RABGAP1L: variants seen among roughly 807,000 people sequenced by gnomAD.
RABGAP1L encodes RAB GTPase activating protein 1 like.
In RABGAP1L, 63 loss-of-function variants were observed where a neutral mutation model predicts 137.7. That is an observed-to-expected ratio of 0.46 (90% CI 0.37 to 0.56). The LOEUF (loss-of-function observed/expected upper bound fraction) is 0.56. RABGAP1L is among the 20% of genes least tolerant of loss of function. RABGAP1L has a pLI of 0.00. For missense variants in RABGAP1L, 1,095 were observed against 1,244.0 expected (o/e 0.88, Z 1.80); for synonymous variants, 431 against 433.7 (o/e 0.99, Z 0.08).
intron 19 of RABGAP1L, among the ~76,000 whole-genome samples, chr1:174,814,283 A>G (rs1025266428): frequency 4.6e-5 from 7 of 152,332 alleles, no homozygotes; most frequent in South Asian, 4.1e-4. Flanking sequence ...TAAGATTTCA[A>G]TAATTTAAAA....
At chr1:174,182,424 C>T (rs1200959614) in intron 1 of RABGAP1L, among the ~76,000 whole-genome samples, 11 of 151,988 alleles carry the variant, frequency 7.2e-5, no homozygotes, top group African/African-American at 1.5e-4. Flanking sequence ...TCCTAGAAGA[C>T]GAAATTGAGA....
At chr1:174,270,270 T>C (rs867582809) in intron 7 of RABGAP1L, among the ~76,000 whole-genome samples, 1 of 151,934 alleles carries the variant, frequency 6.6e-6, no homozygotes, top group Admixed American at 6.6e-5. Context: ...GTATTGCTAC[T>C]TAAGAAAAAT....
At chr1:174,534,870 A>C (rs1037173255) in intron 13 of RABGAP1L, among the ~76,000 whole-genome samples, 5 of 151,952 alleles carry the variant, frequency 3.3e-5, no homozygotes, top group African/African-American at 4.8e-5. Flanking sequence ...TATTAGGGAA[A>C]ATAAGGGTTA....
intron 1 of RABGAP1L, among the ~76,000 whole-genome samples, chr1:174,185,864 C>T (rs192475847): frequency 2.0e-4 from 30 of 152,204 alleles, no homozygotes; most frequent in East Asian, 1.9e-3. Flanking sequence ...TGCTTAAAGT[C>T]GGGGCGCGGT....
chr1:174,613,678 T>A (rs1210511380), intron 13 of RABGAP1L, among the ~76,000 whole-genome samples: 7 of 152,268 alleles, frequency 4.6e-5, no homozygotes, highest in East Asian at 3.9e-4. Flanking sequence ...CCCATTATTA[T>A]TGTGTGGGAG....
intron 19 of RABGAP1L, among the ~76,000 whole-genome samples, chr1:174,853,055 C>T (rs3118986): frequency 0.35 from 53,746 of 151,744 alleles, 12,020 homozygotes; most frequent in African/African-American, 0.64. Context: ...AATGAAACTG[C>T]ATTATTGCTG....
intron 13 of RABGAP1L, among the ~76,000 whole-genome samples, chr1:174,517,410 A>T (rs968755297): frequency 6.6e-6 from 1 of 152,140 alleles, no homozygotes; most frequent in Admixed American, 6.6e-5. Context: ...AGAGCTAGAG[A>T]TTCTCTCCTG....
rs67065448 is a variant in RABGAP1L at position 174,816,147 on chromosome 1, C to CTTT, written c.2340+4207_2340+4209dup. Among the ~76,000 whole-genome samples the CTTT allele has an allele frequency of 9.8e-3, 839 of 86,018 alleles. 11 individuals are homozygous for CTTT. The highest frequency in any genetic ancestry group is 0.013 in the Non-Finnish European group (609 of 46,962). The allele number at this position is 86,018 out of a possible 152,430, so 56.4% of individuals were successfully genotyped here. ...TTTTTCTTAGTAACATAATACATAG[C>CTTT]TTTTTTTTTTTTTTTTTTTTTTGAG... On this transcript the variant is annotated intron_variant, in intron 19 of 25. Transcript: ENST00000681986.
chr1:174,678,787 C>T (rs1677836025), intron 14 of RABGAP1L, among the ~76,000 whole-genome samples: 1 of 152,162 alleles, frequency 6.6e-6, no homozygotes, highest in Admixed American at 6.5e-5. Context: ...TTAGAATGAA[C>T]CCCAGGCACT....
At chr1:174,654,671 G>A (rs1024188732) in intron 14 of RABGAP1L, among the ~76,000 whole-genome samples, 2 of 151,970 alleles carry the variant, frequency 1.3e-5, no homozygotes, top group African/African-American at 4.8e-5. Context: ...ACATTTCTGT[G>A]TCTTTAAAAA....
chr1:174,795,329 G>A lies in RABGAP1L; in HGVS notation c.2212-16503G>A, dbSNP rs533963714. Among the ~76,000 whole-genome samples the A allele has an allele frequency of 2.6e-5, 4 of 152,166 alleles. 1 individual carries two copies. The South Asian group carries it at 6.2e-4, about 24-fold the overall frequency. The stretch of plus-strand genomic sequence containing the variant: ...TAAATTCCTCTTGTGAAGGTGCCTC[G>A]CCACTCACTTTCCATACCAGCAAAG... On this transcript the variant is annotated intron_variant, in intron 18 of 25. Transcript: ENST00000681986.
intron 20 of RABGAP1L, chr1:174,964,791 T>C: frequency 7.3e-7 from 1 of 1,364,978 alleles, no homozygotes; most frequent in Non-Finnish European, 9.5e-7. Context: ...CCATTGAATG[T>C]TTGCGGTCAC....
intron 19 of RABGAP1L, among the ~76,000 whole-genome samples, chr1:174,863,593 A>G (rs1650676638): frequency 6.6e-6 from 1 of 151,544 alleles, no homozygotes; most frequent in Admixed American, 6.6e-5. Context: ...GAATGGTGTG[A>G]ACCCGGGAGG....
intron 13 of RABGAP1L, among the ~76,000 whole-genome samples, chr1:174,424,527 C>A (rs1204481609): frequency 6.6e-6 from 1 of 152,044 alleles, no homozygotes; most frequent in Non-Finnish European, 1.5e-5. Flanking sequence ...GGACCTCTAA[C>A]AACAACCATG....
chr1:174,326,898 T>G (rs77172902), intron 11 of RABGAP1L, among the ~76,000 whole-genome samples: 4,408 of 152,220 alleles, frequency 0.029, 215 homozygotes, highest in African/African-American at 0.096. Context: ...GAATGATATA[T>G]TCAAAGTGCT....
At chr1:174,764,318 A>G (rs1305798598) in intron 18 of RABGAP1L, among the ~76,000 whole-genome samples, 1 of 152,210 alleles carries the variant, frequency 6.6e-6, no homozygotes, top group African/African-American at 2.4e-5. Flanking sequence ...TCTTGGTTAT[A>G]TGCCTAGGAA....
At chr1:174,396,653 T>A (rs1040926884) in intron 13 of RABGAP1L, among the ~76,000 whole-genome samples, 1 of 150,550 alleles carries the variant, frequency 6.6e-6, no homozygotes, top group Non-Finnish European at 1.5e-5. Flanking sequence ...GCCATACCCC[T>A]TTTTTCACTA....
chr1:174,331,681 TTTA>T (rs1358155706), intron 11 of RABGAP1L, among the ~76,000 whole-genome samples: 1 of 152,198 alleles, frequency 6.6e-6, no homozygotes, highest in Admixed American at 6.5e-5. Context: ...TTCTTTTTAT[TTTA>T]TTATTGTTAT....
intron 13 of RABGAP1L, among the ~76,000 whole-genome samples, chr1:174,619,396 T>C (rs1019308103): frequency 3.3e-5 from 5 of 152,186 alleles, no homozygotes; most frequent in Admixed American, 6.5e-5. Flanking sequence ...AGAGGAAGGT[T>C]GGGTTACCCA....
Sources: allele counts gnomAD v4.1 joint callset (sites outside exome capture counted in the v4.1 genomes callset), GRCh38; gene constraint gnomAD v4.1.1; transcripts MANE v1.5; gene names NCBI Gene and HGNC (gene_info 2026-07-23, HGNC 2026-07-21).